NELL2: variants seen among roughly 807,000 people sequenced by gnomAD.
NELL2 encodes neural EGFL like 2, also known as protein kinase C-binding protein NELL2.
A neutral mutation model predicts 109.6 loss-of-function variants in NELL2; 41 were observed. That is an observed-to-expected ratio of 0.37 (90% CI 0.29 to 0.49). The LOEUF (loss-of-function observed/expected upper bound fraction) is 0.49, where lower values mean the gene tolerates loss of function less well. Ranked by LOEUF, NELL2 falls within the 20% of genes least tolerant of loss-of-function variation. NELL2 has a pLI of 0.98. For synonymous variants in NELL2, 355 were observed against 344.7 expected (o/e 1.03, Z -0.33); for missense variants, 900 against 1,008.3 (o/e 0.89, Z 1.45).
chr12:44,610,258 A>C lies in NELL2; in HGVS notation c.1567+590T>G, dbSNP rs573219706. Among the ~76,000 whole-genome samples, 131 of 151,952 alleles carry C rather than the reference A, an allele frequency of 8.6e-4. 2 individuals carry two copies. Among genetic ancestry groups the C allele is most frequent in the Admixed American group, 4.2e-3 (64 of 15,246 alleles). On this transcript the variant is annotated intron_variant, in intron 14 of 19. Transcript: ENST00000429094. Reference sequence around the variant, plus strand: ...CAAGAGAGCAAAAAAAAAAAAACAAAAAAAAAAACTGTCCTACTGACTCAA... The same window carrying C: ...CAAGAGAGCAAAAAAAAAAAAACAACAAAAAAAACTGTCCTACTGACTCAA...
intron 15 of NELL2, among the ~76,000 whole-genome samples, chr12:44,567,804 T>TAA (rs1246870458): frequency 2.0e-5 from 3 of 152,156 alleles, no homozygotes; most frequent in Non-Finnish European, 4.4e-5. Flanking sequence ...ATTGCCCTGA[T>TAA]CAGACAATCA....
intron 3 of NELL2, among the ~76,000 whole-genome samples, chr12:44,814,828 T>G (rs183004721): frequency 3.2e-4 from 48 of 152,340 alleles, no homozygotes; most frequent in African/African-American, 1.0e-3. Flanking sequence ...CTTTAGTATT[T>G]AGTAAAGATG....
intron 3 of NELL2, among the ~76,000 whole-genome samples, chr12:44,796,715 C>T (rs1942634141): frequency 6.6e-6 from 1 of 152,034 alleles, no homozygotes; most frequent in Non-Finnish European, 1.5e-5. Context: ...GATAACAAAA[C>T]TTTTTCATGA....
chr12:44,693,563 AT>A (rs1948967384), intron 12 of NELL2, among the ~76,000 whole-genome samples: 2 of 152,314 alleles, frequency 1.3e-5, no homozygotes, highest in Admixed American at 1.3e-4. Context: ...TCATTTATAA[AT>A]TTCAAAATCC....
intron 15 of NELL2, among the ~76,000 whole-genome samples, chr12:44,542,882 T>C (rs942062854): frequency 1.3e-5 from 2 of 152,178 alleles, no homozygotes; most frequent in Admixed American, 6.6e-5. Flanking sequence ...ACTGGAGTTA[T>C]GTAGCCATAG....
At chr12:44,580,175 A>G (rs1944271009) in intron 15 of NELL2, among the ~76,000 whole-genome samples, 1 of 152,184 alleles carries the variant, frequency 6.6e-6, no homozygotes, top group African/African-American at 2.4e-5. Context: ...ATTAACTTGT[A>G]GTAGAGACTC....
chr12:44,543,334 T>C (rs1439087559), intron 15 of NELL2, among the ~76,000 whole-genome samples: 1 of 152,180 alleles, frequency 6.6e-6, no homozygotes, highest in Non-Finnish European at 1.5e-5. Flanking sequence ...ATATCTAGAA[T>C]CTACTAATCA....
intron 16 of NELL2, 178 bp downstream of exon 16, chr12:44,532,403 A>G (rs574109563): frequency 1.1e-5 from 5 of 458,014 alleles, no homozygotes; most frequent in African/African-American, 1.0e-4. Flanking sequence ...ATCTAAAAAT[A>G]ACATTAGATA....
intron 15 of NELL2, among the ~76,000 whole-genome samples, chr12:44,589,572 G>A (rs555103170): frequency 3.3e-5 from 5 of 151,974 alleles, no homozygotes; most frequent in Admixed American, 2.0e-4. Context: ...GTAAAGATGC[G>A]GTTTCACCAT....
intron 3 of NELL2, among the ~76,000 whole-genome samples, chr12:44,788,148 G>A (rs573985203): frequency 2.0e-5 from 3 of 152,242 alleles, no homozygotes; most frequent in East Asian, 1.9e-4. Context: ...TCATTATGGC[G>A]ATGGGAGGCA....
rs76467990 is a variant in NELL2 at position 44,875,183 on chromosome 12, C to T, written c.184+42G>A. The T allele has an allele frequency of 1.0e-3, 1,652 of 1,585,956 alleles. 14 individuals are homozygous for T. In the African/African-American group the frequency reaches 0.02, roughly 19 times the overall value. Reference sequence around the variant, plus strand: ...CAAGAGCAACTCCTGCCGGGGTTATCGGAACTGAAATCACAGTGGGGATGC... The same window carrying T: ...CAAGAGCAACTCCTGCCGGGGTTATTGGAACTGAAATCACAGTGGGGATGC... On this transcript the variant is annotated intron_variant, in intron 2 of 19. Transcript: ENST00000429094.
intron 12 of NELL2, among the ~76,000 whole-genome samples, chr12:44,678,278 A>G (rs1474496067): frequency 6.6e-6 from 1 of 152,110 alleles, no homozygotes; most frequent in East Asian, 1.9e-4. Context: ...AGGAAACTCA[A>G]ATTTTCAGTG....
chr12:44,536,279 G>A (rs1459426876), intron 15 of NELL2, among the ~76,000 whole-genome samples: 4 of 151,874 alleles, frequency 2.6e-5, no homozygotes, highest in Non-Finnish European at 4.4e-5. Flanking sequence ...CACAATTTAT[G>A]AATTAAGTAT....
chr12:44,571,597 A>C (rs989877821), intron 15 of NELL2, among the ~76,000 whole-genome samples: 21 of 152,218 alleles, frequency 1.4e-4, no homozygotes, highest in African/African-American at 4.8e-4. Flanking sequence ...TAGGCATCCA[A>C]TATAAATTGA....
At chr12:44,827,035 T>C (rs1300440236) in intron 2 of NELL2, among the ~76,000 whole-genome samples, 1 of 152,188 alleles carries the variant, frequency 6.6e-6, no homozygotes, top group Non-Finnish European at 1.5e-5. Flanking sequence ...GAGAGTAAAC[T>C]GCACTAAATT....
At chr12:44,698,331 T>G (rs1308344673) in intron 12 of NELL2, among the ~76,000 whole-genome samples, 1 of 152,194 alleles carries the variant, frequency 6.6e-6, no homozygotes, top group Non-Finnish European at 1.5e-5. Flanking sequence ...TTATGGTAGG[T>G]GACCTGCTCA....
intron 13 of NELL2, among the ~76,000 whole-genome samples, chr12:44,643,820 T>A (rs796656319): frequency 5.9e-5 from 9 of 152,306 alleles, no homozygotes; most frequent in African/African-American, 1.9e-4. Flanking sequence ...ATGGTTCTAT[T>A]ATGTGCATAA....
At position 44,875,325 on chromosome 12, in the gene NELL2, T is replaced by A; in HGVS notation, c.84A>T (p.Leu28=). ...AVWGLGVDPS[L]QIDVLTELEL... The stretch of plus-strand genomic sequence containing the variant: ...CTAACTCTGTTAAGACGTCAATCTG[T>A]AGGGAAGGGTCCACACCAAGCCCCC... The change falls in exon 2 of 20, where the codon CTA becomes CTT. Residue 28 remains leucine, a synonymous_variant. Transcript: ENST00000429094. The A allele has an allele frequency of 6.2e-7, 1 of 1,613,822 alleles. No homozygotes were observed. Among genetic ancestry groups the A allele is most frequent in the Non-Finnish European group, 8.5e-7 (1 of 1,179,970 alleles).
chr12:44,739,226 T>C (rs1299619724), intron 9 of NELL2, among the ~76,000 whole-genome samples: 2 of 152,222 alleles, frequency 1.3e-5, no homozygotes, highest in Non-Finnish European at 2.9e-5. Context: ...TGTGTATGTA[T>C]GTATCCTTTA....
Sources: gnomAD v4.1 joint callset for allele counts (sites outside exome capture counted in the v4.1 genomes callset) on GRCh38, gnomAD v4.1.1 for gene constraint, MANE v1.5 for transcripts, NCBI Gene and HGNC (gene_info 2026-07-23, HGNC 2026-07-21) for gene names.